MED26: variants seen among roughly 807,000 people sequenced by gnomAD.
MED26 encodes mediator of RNA polymerase II transcription subunit 26.
Under a neutral mutation model 43.7 loss-of-function variants are expected in MED26, and 7 were observed. The ratio of observed to expected loss-of-function variants is 0.16; its 90% CI spans 0.09 to 0.30. MED26 has a LOEUF of 0.30. MED26 is among the 10% of genes least tolerant of loss of function. MED26 has a pLI of 1.00. For missense variants in MED26, 784 were observed against 840.6 expected (o/e 0.93, Z 0.83); for synonymous variants, 375 against 371.1 (o/e 1.01, Z -0.12).
Position 16,577,268 on chromosome 19 carries a change from T to G in MED26, c.562A>C (p.Ser188Arg). The change falls in exon 3 of 3, where the codon AGT becomes CGT. Residue 188 changes from serine to arginine, a missense_variant. This residue lies in a region of MED26 where 719 missense variants were observed against 730.9 expected (regional missense o/e 0.98). Transcript: ENST00000263390. The surrounding 1 kb of genome is among the most constrained non-coding windows in gnomAD (Gnocchi z 8.1). ...AGGGAGCTGGCGAAGCTCTCTGGAC[T>G]CCCACTGATCCCGTTGGTGGGGAGG... ...SPLPTNGISG[S>R]PESFASSLDG... 6.2e-7 allele frequency: 1 copy of G among 1,611,982 alleles called. No individual in the cohort carries two copies. Among genetic ancestry groups the G allele is most frequent in the Non-Finnish European group, 8.5e-7 (1 of 1,178,984 alleles).
intron 1 of MED26, among the ~76,000 whole-genome samples, chr19:16,620,515 G>A (rs2086246958): frequency 6.6e-6 from 1 of 152,228 alleles, no homozygotes; most frequent in South Asian, 2.1e-4. Context: ...CAAGCATTTG[G>A]GCACCCACGT....
intron 1 of MED26, among the ~76,000 whole-genome samples, chr19:16,622,438 A>C (rs1463099794): frequency 6.6e-6 from 1 of 152,244 alleles, no homozygotes; most frequent in African/African-American, 2.4e-5. Context: ...GTGCCTCCCA[A>C]GGCATGGAAT....
chr19:16,615,719 C>T (rs1160036551), intron 1 of MED26, among the ~76,000 whole-genome samples: 1 of 151,560 alleles, frequency 6.6e-6, no homozygotes, highest in Non-Finnish European at 1.5e-5. Flanking sequence ...GCACTCCAGC[C>T]TGGGAGGCAG....
Position 16,575,731 on chromosome 19 carries a change from A to G in MED26, c.*296T>C. On this transcript the variant is annotated 3_prime_UTR_variant, in exon 3 of 3. Coordinates refer to ENST00000263390, the MANE Select transcript of MED26 (RefSeq NM_004831.5). ...GTCCGCACCTCTTTGGGGGTGAGGG[A>G]CTAACGCTTTTTATAGCTGGTTTGC... 1 of 384,206 alleles carries G rather than the reference A, an allele frequency of 2.6e-6. No individual in the cohort carries two copies. Among genetic ancestry groups the G allele is most frequent in the Non-Finnish European group, 4.8e-6 (1 of 207,524 alleles). The allele number at this position is 384,206 out of a possible 1,614,324, so 23.8% of individuals were successfully genotyped here.
intron 1 of MED26, among the ~76,000 whole-genome samples, chr19:16,624,037 C>T (rs2086262724): frequency 1.3e-5 from 2 of 151,950 alleles, no homozygotes; most frequent in African/African-American, 2.4e-5. Flanking sequence ...GCCACACAAA[C>T]TAACAAAGCA....
chr19:16,590,893 A>T (rs950444081), intron 1 of MED26, among the ~76,000 whole-genome samples: 3 of 151,348 alleles, frequency 2.0e-5, no homozygotes, highest in African/African-American at 7.3e-5. Flanking sequence ...CAAAAAAATT[A>T]GCCAGGCGTG....
At chr19:16,580,217 A>T (rs963568020) in intron 1 of MED26, among the ~76,000 whole-genome samples, 10 of 152,162 alleles carry the variant, frequency 6.6e-5, no homozygotes, top group African/African-American at 2.4e-4. Context: ...GAGTTTCCGT[A>T]ACACATGATT....
At chr19:16,617,759 A>G (rs959670589) in intron 1 of MED26, among the ~76,000 whole-genome samples, 3 of 152,200 alleles carry the variant, frequency 2.0e-5, no homozygotes, top group African/African-American at 7.2e-5. Flanking sequence ...CTCCTCATTC[A>G]GAGGCCCACA....
At chr19:16,623,910 G>A (rs1173071416) in intron 1 of MED26, among the ~76,000 whole-genome samples, 2 of 151,986 alleles carry the variant, frequency 1.3e-5, no homozygotes, top group Non-Finnish European at 2.9e-5. Flanking sequence ...TGCCCCTGGA[G>A]ACACCCACTG....
chr19:16,609,759 T>A (rs2086191175), intron 1 of MED26, among the ~76,000 whole-genome samples: 1 of 151,946 alleles, frequency 6.6e-6, no homozygotes, highest in African/African-American at 2.4e-5. Context: ...AATCTGGATT[T>A]TTTAGAAATG....
In MED26 at chr19:16,577,704, G is replaced by A. The variant is rs1347190408; in HGVS notation, c.148-22C>T. 1 of 1,535,892 alleles carries A rather than the reference G, an allele frequency of 6.5e-7. No individual in the cohort carries two copies. The highest frequency in any genetic ancestry group is 1.2e-5 in the South Asian group (1 of 81,996). On this transcript the variant is annotated intron_variant, in intron 2 of 2. Coordinates refer to ENST00000263390, the MANE Select transcript of MED26 (RefSeq NM_004831.5). The surrounding 1 kb of genome is among the most constrained non-coding windows in gnomAD (Gnocchi z 8.1). Reference sequence around the variant, plus strand: ...TTTCCTACAACCAGAGGGAGATGATGACATACTTTCGGGACAGGAACTTCT... The same window carrying A: ...TTTCCTACAACCAGAGGGAGATGATAACATACTTTCGGGACAGGAACTTCT...
Position 16,576,464 on chromosome 19 carries a change from T to C in MED26, c.1366A>G (p.Arg456Gly). The C allele has an allele frequency of 1.2e-6, 2 of 1,614,160 alleles. No individual in the cohort carries two copies. Among genetic ancestry groups the C allele is most frequent in the Non-Finnish European group, 1.7e-6 (2 of 1,180,028 alleles). Residue 456 changes from arginine to glycine, a missense_variant, in exon 3 of 3, where the codon AGG becomes GGG. By Grantham distance (125) the Arg-to-Gly change is moderately radical. Coordinates refer to ENST00000263390, the MANE Select transcript of MED26 (RefSeq NM_004831.5). This position sits in a 1 kb window ranked among gnomAD's most constrained non-coding sequence, Gnocchi z 6.8. ...DSPVHMEQQS[R>G]TELDKQEAKA... The stretch of plus-strand genomic sequence containing the variant: ...GCCTCCTGCTTGTCCAGCTCTGTCC[T>C]GGACTGCTGCTCCATGTGCACAGGG...
At chr19:16,613,642 C>T (rs368599616) in intron 1 of MED26, among the ~76,000 whole-genome samples, 6 of 152,330 alleles carry the variant, frequency 3.9e-5, no homozygotes, top group African/African-American at 1.4e-4. Context: ...GAGTCGGGCT[C>T]ACAGCTGTGC....
intron 1 of MED26, among the ~76,000 whole-genome samples, chr19:16,580,732 G>A (rs2086041170): frequency 6.6e-6 from 1 of 152,088 alleles, no homozygotes; most frequent in Admixed American, 6.5e-5. Context: ...GTCATCCGAA[G>A]CCATTCCCAG....
At chr19:16,613,637 G>A (rs756080508) in intron 1 of MED26, among the ~76,000 whole-genome samples, 23 of 152,272 alleles carry the variant, frequency 1.5e-4, no homozygotes, top group Middle Eastern at 3.4e-3. Context: ...AGAAGGAGTC[G>A]GGCTCACAGC....
chr19:16,601,310 CA>C (rs1390881972), intron 1 of MED26, among the ~76,000 whole-genome samples: 1 of 152,096 alleles, frequency 6.6e-6, no homozygotes, highest in Non-Finnish European at 1.5e-5. Flanking sequence ...CATGCGCCAC[CA>C]CGCCCAGCTA....
intron 1 of MED26, among the ~76,000 whole-genome samples, chr19:16,603,820 G>A (rs952064152): frequency 6.6e-6 from 1 of 152,174 alleles, no homozygotes; most frequent in Non-Finnish European, 1.5e-5. Flanking sequence ...AGGCAGTGGT[G>A]AGAGGACCCC....
chr19:16,624,494 C>T (rs1344432904), intron 1 of MED26: 1 of 152,234 alleles, frequency 6.6e-6, no homozygotes, highest in Non-Finnish European at 1.5e-5. Flanking sequence ...TCAGGCCTCT[C>T]CCTGGTCTGA....
Position 16,627,959 on chromosome 19 carries a change from G to A in MED26, c.-16C>T, listed in dbSNP as rs1233406330. 2.8e-6 allele frequency: 4 copies of A among 1,446,558 alleles called. No individual in the cohort carries two copies. Among genetic ancestry groups the A allele is most frequent in the Middle Eastern group, 2.3e-4 (1 of 4,300 alleles). The allele number at this position is 1,446,558 out of a possible 1,614,324, so 89.6% of individuals were successfully genotyped here. On this transcript the variant is annotated 5_prime_UTR_variant, in exon 1 of 3. Coordinates refer to ENST00000263390, the MANE Select transcript of MED26 (RefSeq NM_004831.5). ...CCGCTGTCATTGCCTGGGCGAGGCG[G>A]GGGGTTGCGGCCGGGCCAGCGGGCG... is the stretch of plus-strand genomic sequence containing the variant.
Sources: allele counts gnomAD v4.1 joint callset (sites outside exome capture counted in the v4.1 genomes callset), GRCh38; gene constraint gnomAD v4.1.1; regional missense constraint gnomAD v4.1.1; non-coding constraint Gnocchi (gnomAD v3.1); transcripts MANE v1.5; gene names NCBI Gene and HGNC (gene_info 2026-07-23, HGNC 2026-07-21).